RASA2: variants seen among roughly 807,000 people sequenced by gnomAD.
The protein encoded by RASA2 is RAS p21 protein activator 2.
Under a neutral mutation model 118.2 loss-of-function variants are expected in RASA2, and 155 were observed. The observed-to-expected ratio is 1.31, with a 90% CI of 1.15 to 1.50. The LOEUF is 1.50. Ranked by LOEUF, RASA2 falls within the 40% of genes most tolerant of loss-of-function variation. The pLI, the probability that RASA2 is intolerant of heterozygous loss-of-function variation, is 0.00. For synonymous variants in RASA2, 353 were observed against 349.1 expected, an observed-to-expected ratio of 1.01 and a Z score of -0.12; for missense variants, 1,016 against 1,009.6, an observed-to-expected ratio of 1.01 and a Z score of -0.09.
chr3:141,595,223 A>T (rs2083348062), intron 19 of RASA2, among the ~76,000 whole-genome samples: 1 of 152,250 alleles, frequency 6.6e-6, no homozygotes, highest in African/African-American at 2.4e-5. Flanking sequence ...ACAGACAGAA[A>T]ACGTATAACA....
At chr3:141,502,679 A>G (rs1577645512) in intron 1 of RASA2, among the ~76,000 whole-genome samples, 1 of 152,206 alleles carries the variant, frequency 6.6e-6, no homozygotes, top group South Asian at 2.1e-4. Context: ...TATGAAGTCA[A>G]TGAAAAATCT....
intron 9 of RASA2, among the ~76,000 whole-genome samples, chr3:141,568,601 CTA>C (rs2082863099): frequency 6.6e-6 from 1 of 151,844 alleles, no homozygotes; most frequent in Non-Finnish European, 1.5e-5. Flanking sequence ...ATCTATTTGT[CTA>C]TGTGTAGTAA....
chr3:141,516,036 C>G (rs1033788657), intron 2 of RASA2, among the ~76,000 whole-genome samples: 8 of 126,874 alleles, frequency 6.3e-5, no homozygotes, highest in African/African-American at 2.4e-4. Context: ...GAGCATCACA[C>G]ACTGGGGCCT....
intron 17 of RASA2, 138 bp downstream of exon 17, chr3:141,581,315 CT>C: frequency 1.5e-6 from 1 of 683,810 alleles, no homozygotes. Flanking sequence ...CTTCCTTTTT[CT>C]TTTTTCTTCT....
At chr3:141,574,221 G>A (rs565698787) in intron 14 of RASA2, among the ~76,000 whole-genome samples, 154 bp downstream of exon 14, 2 of 151,384 alleles carry the variant, frequency 1.3e-5, no homozygotes, top group East Asian at 3.9e-4. Context: ...ACGGAGTCTT[G>A]CTCTGTCACC....
intron 1 of RASA2, among the ~76,000 whole-genome samples, chr3:141,498,762 C>G (rs2081738218): frequency 6.6e-6 from 1 of 152,192 alleles, no homozygotes; most frequent in South Asian, 2.1e-4. Context: ...GCCCTGAGTT[C>G]TGCCAGCACC....
intron 2 of RASA2, among the ~76,000 whole-genome samples, chr3:141,513,244 C>T (rs1376935734): frequency 6.7e-6 from 1 of 150,020 alleles, no homozygotes; most frequent in Non-Finnish European, 1.5e-5. Context: ...TTACATTTGC[C>T]TTTGAAGTTT....
intron 3 of RASA2, among the ~76,000 whole-genome samples, chr3:141,526,299 A>G (rs960243253): frequency 6.6e-6 from 1 of 151,780 alleles, no homozygotes; most frequent in African/African-American, 2.4e-5. Flanking sequence ...AATGCCTGCC[A>G]GTTTAGTGAT....
intron 8 of RASA2, 60 bp downstream of exon 8, chr3:141,559,022 T>A: frequency 2.1e-6 from 3 of 1,423,530 alleles, no homozygotes; most frequent in Middle Eastern, 1.8e-4. Context: ...AATCCTAGAT[T>A]CAACCAAAAA....
At chr3:141,499,344 C>A (rs547317646) in intron 1 of RASA2, among the ~76,000 whole-genome samples, 4 of 152,240 alleles carry the variant, frequency 2.6e-5, no homozygotes, top group African/African-American at 9.6e-5. Flanking sequence ...CCCACAAAAA[C>A]CCTTGTGATA....
At chr3:141,506,933 GAAAAAGA>G (rs1253286068) in intron 1 of RASA2, among the ~76,000 whole-genome samples, 2 of 143,964 alleles carry the variant, frequency 1.4e-5, no homozygotes, top group Non-Finnish European at 3.1e-5. Flanking sequence ...AAAAAAAAAA[GAAAAAGA>G]AAAAAGAATT....
intron 19 of RASA2, among the ~76,000 whole-genome samples, chr3:141,602,232 C>T (rs748274178): frequency 2.0e-5 from 3 of 152,152 alleles, no homozygotes; most frequent in Non-Finnish European, 4.4e-5. Context: ...AGTCCCCAAC[C>T]TTTTTGTCAC....
Position 141,586,651 on chromosome 3 carries a change from T to A in RASA2, c.1832T>A (p.Met611Lys). 1 of 1,600,276 alleles carries A rather than the reference T, an allele frequency of 6.2e-7. No homozygotes were observed. The highest frequency in any genetic ancestry group is 8.6e-7 in the Non-Finnish European group (1 of 1,168,826). The change falls in exon 19 of 24, where the codon ATG (methionine) becomes AAG (lysine). Residue 611 changes from methionine (M) to lysine (K), a missense_variant. Physicochemically the swap from Met to Lys is moderately conservative, Grantham distance 95. Transcript: ENST00000286364. Reference protein sequence around the residue: ...SEPVHLKEGEMYKRAQGRTRI... With the variant: ...SEPVHLKEGEKYKRAQGRTRI... ...TACATCTGTTATGTTGGCAGTGAGA[T>A]GTATAAAAGAGCTCAAGGAAGAACT...
intron 19 of RASA2, among the ~76,000 whole-genome samples, chr3:141,595,551 C>G (rs1234375678): frequency 6.6e-6 from 1 of 152,158 alleles, no homozygotes; most frequent in African/African-American, 2.4e-5. Flanking sequence ...ATTACAACTT[C>G]AATGTAGTTG....
At chr3:141,544,458 A>G (rs1021815980) in intron 5 of RASA2, among the ~76,000 whole-genome samples, 6 of 151,568 alleles carry the variant, frequency 4.0e-5, no homozygotes, top group African/African-American at 1.5e-4. Context: ...CCCCCAGTCT[A>G]TTTTCCCTCT....
At chr3:141,610,433 T>A (rs1007669078) in intron 23 of RASA2, among the ~76,000 whole-genome samples, 57 of 96,568 alleles carry the variant, frequency 5.9e-4, no homozygotes, top group East Asian at 2.4e-3. Context: ...TATTATATAT[T>A]TATATTTATA....
At chr3:141,565,542 C>G (rs1476648739) in intron 9 of RASA2, among the ~76,000 whole-genome samples, 1 of 152,100 alleles carries the variant, frequency 6.6e-6, no homozygotes, top group Admixed American at 6.5e-5. Flanking sequence ...CCATACTGTT[C>G]TTGTGGTAGT....
intron 6 of RASA2, 118 bp downstream of exon 6, chr3:141,554,058 G>A: frequency 7.1e-7 from 1 of 1,404,922 alleles, no homozygotes. Context: ...AGTAATAAAT[G>A]CTTTGAAAGA....
At chr3:141,565,586 A>G (rs2082807300) in intron 9 of RASA2, among the ~76,000 whole-genome samples, 1 of 152,298 alleles carries the variant, frequency 6.6e-6, no homozygotes, top group Non-Finnish European at 1.5e-5. Context: ...GGTTTTATAA[A>G]TGGGAGTTCT....
Sources: gnomAD v4.1 joint callset for allele counts (sites outside exome capture counted in the v4.1 genomes callset) on GRCh38, gnomAD v4.1.1 for gene constraint, MANE v1.5 for transcripts, NCBI Gene and HGNC (gene_info 2026-07-23, HGNC 2026-07-21) for gene names.